The following VPS26A variants were observed in gnomAD, a reference collection of about 807,000 sequenced individuals.
VPS26A encodes VPS26 retromer complex component A, also known as vacuolar protein sorting-associated protein 26A.
Under a neutral mutation model 42.4 loss-of-function variants are expected in VPS26A, and 22 were observed. The observed-to-expected ratio is 0.52, with a 90% CI of 0.37 to 0.74. The LOEUF (loss-of-function observed/expected upper bound fraction) is 0.74. VPS26A is among the 30% of genes least tolerant of loss of function. VPS26A has a pLI of 0.00. For synonymous variants in VPS26A, 110 were observed against 123.5 expected (o/e 0.89, Z 0.73); for missense variants, 276 against 379.2 (o/e 0.73, Z 2.26).
chr10:69,139,374 G>T (rs1188858268), intron 2 of VPS26A, among the ~76,000 whole-genome samples: 6 of 152,068 alleles, frequency 3.9e-5, no homozygotes, highest in Non-Finnish European at 7.4e-5. Flanking sequence ...CATAATCTCG[G>T]CTCACTGCAA....
In VPS26A at chr10:69,124,224, G is replaced by A; in HGVS notation, c.-54G>A. On this transcript the variant is annotated 5_prime_UTR_variant, in exon 1 of 9. Coordinates refer to ENST00000263559, the MANE Select transcript of VPS26A (RefSeq NM_004896.5). ...GGAGCGGAGGGAGCCGGGGCTGGGA[G>A]TTCTCCTGAGGGAAGAGGAGTGGAG... The A allele has an allele frequency of 1.6e-6, 2 of 1,278,602 alleles. No individual in the cohort carries two copies. The highest frequency in any genetic ancestry group is 7.5e-5 in the Admixed American group (2 of 26,844). 79.2% of individuals were successfully genotyped at this position (1,278,602 alleles called of 1,614,324 possible).
At chr10:69,160,894 C>T (rs940875362) in intron 5 of VPS26A, among the ~76,000 whole-genome samples, 1 of 152,154 alleles carries the variant, frequency 6.6e-6, no homozygotes, top group Non-Finnish European at 1.5e-5. Flanking sequence ...TATTAGCTAT[C>T]ACAACAGCAG....
In VPS26A at chr10:69,158,117, C is replaced by G; in HGVS notation, c.457C>G (p.Gln153Glu). ...LVKEYDLIVH[Q>E]LATYPDVNNS... Reference sequence around the variant, plus strand: ...AAAAGAGTATGATCTTATTGTTCACCAGCTTGCCACCTATCCTGATGTTAA... The same window carrying G: ...AAAAGAGTATGATCTTATTGTTCACGAGCTTGCCACCTATCCTGATGTTAA... Residue 153 changes from glutamine to glutamate, a missense_variant, in exon 5 of 9, where the codon CAG becomes GAG. Gln to Glu is a conservative substitution (Grantham distance 29). Coordinates refer to ENST00000263559, the MANE Select transcript of VPS26A (RefSeq NM_004896.5). The G allele has an allele frequency of 1.2e-6, 2 of 1,613,108 alleles. No homozygotes were observed. The highest frequency in any genetic ancestry group is 2.2e-5 in the South Asian group (2 of 90,962).
At chr10:69,165,238 G>GT (rs1303997077) in intron 6 of VPS26A, among the ~76,000 whole-genome samples, 2 of 151,864 alleles carry the variant, frequency 1.3e-5, no homozygotes, top group Admixed American at 6.6e-5. Flanking sequence ...TCATCGTCGG[G>GT]TTTTTTGCTG....
At chr10:69,153,651 G>A (rs181481597) in intron 2 of VPS26A, among the ~76,000 whole-genome samples, 73 of 152,106 alleles carry the variant, frequency 4.8e-4, no homozygotes, top group Admixed American at 1.2e-3. Context: ...ACCACGCCTA[G>A]CTTGGAATTT....
At chr10:69,130,778 G>A (rs931266266) in intron 1 of VPS26A, among the ~76,000 whole-genome samples, 8 of 152,218 alleles carry the variant, frequency 5.3e-5, no homozygotes, top group African/African-American at 9.6e-5. Context: ...GGAGTTATAC[G>A]TACGTTTTGT....
intron 1 of VPS26A, among the ~76,000 whole-genome samples, chr10:69,129,617 G>A (rs1300613719): frequency 6.6e-6 from 1 of 151,458 alleles, no homozygotes; most frequent in African/African-American, 2.4e-5. Context: ...GCGCGATCTC[G>A]GCTCACTGCA....
At chr10:69,147,934 G>A (rs1382383365) in intron 2 of VPS26A, among the ~76,000 whole-genome samples, 2 of 152,104 alleles carry the variant, frequency 1.3e-5, no homozygotes, top group African/African-American at 2.4e-5. Flanking sequence ...AGCTGATCTC[G>A]AACTACTGGA....
At chr10:69,130,888 T>C (rs1490099425) in intron 1 of VPS26A, among the ~76,000 whole-genome samples, 2 of 152,254 alleles carry the variant, frequency 1.3e-5, no homozygotes, top group Non-Finnish European at 2.9e-5. Flanking sequence ...CTGTTTGGTG[T>C]TCCCATTTGT....
intron 2 of VPS26A, among the ~76,000 whole-genome samples, chr10:69,152,082 G>A (rs1377966579): frequency 3.9e-5 from 6 of 151,982 alleles, no homozygotes; most frequent in Admixed American, 6.6e-5. Flanking sequence ...GGTGGCATGT[G>A]CCTGTAATTT....
rs188622987 is a variant in VPS26A at position 69,135,334 on chromosome 10, C to T, written c.153+2287C>T. On this transcript the variant is annotated intron_variant, in intron 2 of 8. Coordinates refer to ENST00000263559, the MANE Select transcript of VPS26A (RefSeq NM_004896.5). ...TCTAGTTTAAAGTAATCTTATGTCA[C>T]CTGGACCAGTTGAAGTTCATGGCTG... is the stretch of plus-strand genomic sequence containing the variant. 1.5e-3 allele frequency among the ~76,000 whole-genome samples: 234 copies of T among 152,238 alleles called. 1 individual carries two copies. Among genetic ancestry groups the T allele is most frequent in the Non-Finnish European group, 2.4e-3 (163 of 68,028 alleles).
intron 8 of VPS26A, among the ~76,000 whole-genome samples, chr10:69,170,607 T>C (rs531208728): frequency 1.3e-5 from 2 of 152,168 alleles, no homozygotes; most frequent in African/African-American, 4.8e-5. Flanking sequence ...TAACTCCATT[T>C]GGCCGATGGG....
In VPS26A at chr10:69,166,071, A is replaced by G. The variant is rs754928740; in HGVS notation, c.688A>G (p.Ile230Val). ...CAGTACCACAACAGAAACAGAAACA[A>G]TCGCCAAATATGAAATAATGGATGG... ...GPSTTTETET[I>V]AKYEIMDGAP... is the part of the protein sequence containing the mutation. The change falls in exon 7 of 9, where the codon ATC (isoleucine) becomes GTC (valine). Residue 230 changes from isoleucine to valine, a missense_variant. Coordinates refer to ENST00000263559, the MANE Select transcript of VPS26A (RefSeq NM_004896.5). The G allele has an allele frequency of 3.7e-6, 6 of 1,613,904 alleles. No homozygotes were observed. In the East Asian group the frequency reaches 6.7e-5, roughly 18 times the overall value.
chr10:69,165,927 T>C, intron 6 of VPS26A, 115 bp from the exon 7 acceptor site: 1 of 987,818 alleles, frequency 1.0e-6, no homozygotes, highest in Non-Finnish European at 1.5e-6. Flanking sequence ...GCTTGGGTGA[T>C]GGAGCGAGAC....
intron 2 of VPS26A, among the ~76,000 whole-genome samples, chr10:69,148,015 G>A (rs1012235360): frequency 6.6e-6 from 1 of 152,144 alleles, no homozygotes; most frequent in Non-Finnish European, 1.5e-5. Flanking sequence ...CCCAGCCCCT[G>A]TATTGTGTTT....
chr10:69,140,123 A>G (rs1213365655), intron 2 of VPS26A, among the ~76,000 whole-genome samples: 2 of 151,696 alleles, frequency 1.3e-5, no homozygotes, highest in African/African-American at 4.9e-5. Flanking sequence ...GCTGGAATGC[A>G]GTGGCATGAC....
chr10:69,132,805 A>G, intron 1 of VPS26A, 93 bp from the exon 2 acceptor site: 3 of 1,256,968 alleles, frequency 2.4e-6, no homozygotes, highest in Non-Finnish European at 3.3e-6. Flanking sequence ...TTTGCAGTCT[A>G]TTTAACCGTA....
At chr10:69,127,934 G>A (rs1025220654) in intron 1 of VPS26A, among the ~76,000 whole-genome samples, 4 of 151,912 alleles carry the variant, frequency 2.6e-5, no homozygotes, top group South Asian at 2.1e-4. Context: ...CTGGGCTCAA[G>A]TGATCCTCCT....
At chr10:69,165,497 T>G (rs1487203962) in intron 6 of VPS26A, among the ~76,000 whole-genome samples, 4 of 152,226 alleles carry the variant, frequency 2.6e-5, no homozygotes, top group African/African-American at 9.6e-5. Context: ...TTCAAACAAC[T>G]TCAAATTCTC....
Sources: gnomAD v4.1 joint callset for allele counts (sites outside exome capture counted in the v4.1 genomes callset) on GRCh38, gnomAD v4.1.1 for gene constraint, MANE v1.5 for transcripts, NCBI Gene and HGNC (gene_info 2026-07-23, HGNC 2026-07-21) for gene names.